Variants in KIRREL3 observed in about 807,000 individuals in gnomAD.
The protein encoded by KIRREL3 is kin of IRRE-like protein 3.
In KIRREL3, 36 loss-of-function variants were observed where a neutral mutation model predicts 89.7. The observed-to-expected ratio is 0.40, with a 90% CI of 0.31 to 0.53. KIRREL3 has a LOEUF of 0.53. Ranked by LOEUF, KIRREL3 falls within the 20% of genes least tolerant of loss-of-function variation. KIRREL3 has a pLI of 0.49. For synonymous variants in KIRREL3, 445 were observed against 441.4 expected (o/e 1.01, Z -0.10); for missense variants, 864 against 1,056.6 (o/e 0.82, Z 2.53).
intron 7 of KIRREL3, among the ~76,000 whole-genome samples, chr11:126,456,057 T>TTTTTTTTTTTTTTTTTTTTTTTTTTC (rs147218473): frequency 2.6e-4 from 29 of 109,796 alleles, no homozygotes; most frequent in Admixed American, 4.3e-4. Context: ...TTTTTTTTTT[T>TTTTTTTTTTTTTTTTTTTTTTTTTTC]CCTGAGCCTT....
intron 1 of KIRREL3, among the ~76,000 whole-genome samples, chr11:126,835,140 T>C (rs1343213767): frequency 6.6e-6 from 1 of 152,242 alleles, no homozygotes; most frequent in Non-Finnish European, 1.5e-5. Flanking sequence ...TATTTAATAA[T>C]GACACCCCAT....
chr11:126,872,744 G>C lies in KIRREL3; in HGVS notation c.55+127711C>G, dbSNP rs1380211176. ...CTTTCCTGCTCTGTGCTGCCAGAAT[G>C]GTGCTGAATATGAATGAGAAAGTAA... On this transcript the variant is annotated intron_variant, in intron 1 of 16. Transcript: ENST00000525144. The surrounding 1 kb of genome is among the most constrained non-coding windows in gnomAD (Gnocchi z 4.2). 6.6e-6 allele frequency among the ~76,000 whole-genome samples: 1 copy of C among 152,192 alleles called. No homozygotes were observed. The highest frequency in any genetic ancestry group is 1.5e-5 in the Non-Finnish European group (1 of 68,036).
At chr11:126,673,508 G>T (rs1266427959) in intron 1 of KIRREL3, among the ~76,000 whole-genome samples, 2 of 152,234 alleles carry the variant, frequency 1.3e-5, no homozygotes, top group Non-Finnish European at 2.9e-5. Context: ...CCAAGGGGAA[G>T]GAGGAAGCTC....
chr11:126,483,691 TCTGCAG>T lies in KIRREL3; in HGVS notation c.434-10231_434-10226del, dbSNP rs565974886. Among the ~76,000 whole-genome samples the T allele has an allele frequency of 6.5e-4, 99 of 152,348 alleles. No individual in the cohort carries two copies. The South Asian group carries it at 0.02, about 31-fold the overall frequency. On this transcript the variant is annotated intron_variant, in intron 4 of 16. Transcript: ENST00000525144. The stretch of plus-strand genomic sequence containing the variant: ...CGGTTCTCTCCAGTGAGGTCTCATC[TCTGCAG>T]CTTTCTCCTGTGTGACCATTAACTC...
chr11:126,966,113 T>C (rs1209326292), intron 1 of KIRREL3, among the ~76,000 whole-genome samples: 2 of 152,168 alleles, frequency 1.3e-5, no homozygotes, highest in Non-Finnish European at 2.9e-5. Context: ...GCTGCTTAGA[T>C]ACCTCATTAT....
chr11:126,473,129 C>T (rs1411598545), intron 5 of KIRREL3, among the ~76,000 whole-genome samples, 180 bp downstream of exon 5: 1 of 36,638 alleles, frequency 2.7e-5, no homozygotes, highest in Non-Finnish European at 5.7e-5. Flanking sequence ...TCTAGCCCCC[C>T]GCCTAACCCC....
rs781157035 is a variant in KIRREL3 at position 126,601,703 on chromosome 11, ATGCATCC to A, written c.56-38798_56-38792del. Among the ~76,000 whole-genome samples the A allele has an allele frequency of 2.6e-5, 4 of 152,044 alleles. No individual in the cohort carries two copies. The highest frequency in any genetic ancestry group is 5.9e-5 in the Non-Finnish European group (4 of 68,000). Reference sequence around the variant, plus strand: ...TTGCCGCCCCTCCTCCATTCTTCTCATGCATCCTGCGGTGCCATTCGCCCACCCCGCC... The same window carrying A: ...TTGCCGCCCCTCCTCCATTCTTCTCATGCGGTGCCATTCGCCCACCCCGCC... On this transcript the variant is annotated intron_variant, in intron 1 of 16. Transcript: ENST00000525144. The surrounding 1 kb of genome is among the most constrained non-coding windows in gnomAD (Gnocchi z 5.8).
rs1305911407 is a variant in KIRREL3 at position 126,989,329 on chromosome 11, G to A, written c.55+11126C>T. On this transcript the variant is annotated intron_variant, in intron 1 of 16. Coordinates refer to ENST00000525144, the MANE Select transcript of KIRREL3 (RefSeq NM_032531.4). The surrounding 1 kb of genome is among the most constrained non-coding windows in gnomAD (Gnocchi z 6.2). Reference sequence around the variant, plus strand: ...TCCACTGCCCAGAAAGGCTGGCACTGTGGGGACGAAGGGGGCAGTGGCAGC... The same window carrying A: ...TCCACTGCCCAGAAAGGCTGGCACTATGGGGACGAAGGGGGCAGTGGCAGC... 7.2e-5 allele frequency among the ~76,000 whole-genome samples: 11 copies of A among 152,338 alleles called. No homozygotes were observed. The highest frequency in any genetic ancestry group is 2.6e-4 in the African/African-American group (11 of 41,580).
chr11:126,572,878 C>A (rs562820742), intron 1 of KIRREL3, among the ~76,000 whole-genome samples: 32 of 152,192 alleles, frequency 2.1e-4, no homozygotes, highest in Non-Finnish European at 4.4e-4. Context: ...CAGGGCCACA[C>A]GCTGACTTTA....
rs1373137326 is a variant in KIRREL3, at chr11:126,917,963, A to T, written c.55+82492T>A. On this transcript the variant is annotated intron_variant, in intron 1 of 16. Coordinates refer to ENST00000525144, the MANE Select transcript of KIRREL3 (RefSeq NM_032531.4). This position sits in a 1 kb window ranked among gnomAD's most constrained non-coding sequence, Gnocchi z 5.0. ...CTTACAGTGATGGAGCAGAATTTAGATGCTGTGACTCATCTCTCCAAGCTG... is the reference window on the plus strand; with the variant it reads ...CTTACAGTGATGGAGCAGAATTTAGTTGCTGTGACTCATCTCTCCAAGCTG... Among the ~76,000 whole-genome samples, 1 of 152,128 alleles carries T rather than the reference A, an allele frequency of 6.6e-6. No homozygotes were observed. The highest frequency in any genetic ancestry group is 1.5e-5 in the Non-Finnish European group (1 of 68,024).
At position 126,699,944 on chromosome 11, in the gene KIRREL3, A is replaced by G. The variant is rs112839794; in HGVS notation, c.56-137032T>C. 1.0e-3 allele frequency among the ~76,000 whole-genome samples: 153 copies of G among 152,306 alleles called. 1 individual carries two copies. Among genetic ancestry groups the G allele is most frequent in the African/African-American group, 3.5e-3 (146 of 41,568 alleles). ...CATGGAGGCTCATGTGTGTAATCCC[A>G]ACACTTTGGGAGGCTGAGGTGGGAG... On this transcript the variant is annotated intron_variant, in intron 1 of 16. Coordinates refer to ENST00000525144, the MANE Select transcript of KIRREL3 (RefSeq NM_032531.4).
At position 126,492,303 on chromosome 11, in the gene KIRREL3, C is replaced by T. The variant is rs926032611; in HGVS notation, c.434-18837G>A. 2.0e-5 allele frequency among the ~76,000 whole-genome samples: 3 copies of T among 152,140 alleles called. No homozygotes were observed. The highest frequency in any genetic ancestry group is 2.0e-4 in the Admixed American group (3 of 15,272). ...GAGGTCAGGCCTCTTTTTCCCAAGCCTGTTCCCCTACCCCCGATGAGGGAT... is the reference window on the plus strand; with the variant it reads ...GAGGTCAGGCCTCTTTTTCCCAAGCTTGTTCCCCTACCCCCGATGAGGGAT... On this transcript the variant is annotated intron_variant, in intron 4 of 16. Transcript: ENST00000525144. This position sits in a 1 kb window ranked among gnomAD's most constrained non-coding sequence, Gnocchi z 4.8.
At chr11:126,893,741 C>T (rs1946022264) in intron 1 of KIRREL3, among the ~76,000 whole-genome samples, 1 of 152,322 alleles carries the variant, frequency 6.6e-6, no homozygotes, top group Admixed American at 6.5e-5. Flanking sequence ...CTCCTTCCTG[C>T]TAAGAAAAAT....
At chr11:126,464,841 T>C (rs1439793207) in intron 5 of KIRREL3, among the ~76,000 whole-genome samples, 2 of 152,204 alleles carry the variant, frequency 1.3e-5, no homozygotes, top group East Asian at 3.8e-4. Context: ...TGTTGTGTCA[T>C]GCACCGAATT....
At chr11:126,745,110 G>A (rs1286301559) in intron 1 of KIRREL3, among the ~76,000 whole-genome samples, 1 of 152,098 alleles carries the variant, frequency 6.6e-6, no homozygotes, top group African/African-American at 2.4e-5. Context: ...TCCTTGAGAG[G>A]ATCTCATGGG....
Position 126,724,577 on chromosome 11 carries a change from C to T in KIRREL3, c.56-161665G>A, listed in dbSNP as rs192828346. On this transcript the variant is annotated intron_variant, in intron 1 of 16. Coordinates refer to ENST00000525144, the MANE Select transcript of KIRREL3 (RefSeq NM_032531.4). This position sits in a 1 kb window ranked among gnomAD's most constrained non-coding sequence, Gnocchi z 4.3. ...AGCTGAAGCAACACGTTTCTGTCCC[C>T]AAGGGATGAAGAAGTTTCTTCAGCT... Among the ~76,000 whole-genome samples the T allele has an allele frequency of 8.3e-4, 127 of 152,288 alleles. No homozygotes were observed. The highest frequency in any genetic ancestry group is 2.6e-3 in the African/African-American group (107 of 41,554).
rs927647777 is a variant in KIRREL3 at position 126,443,943 on chromosome 11, G to A, written c.1252+1036C>T. Among the ~76,000 whole-genome samples the A allele has an allele frequency of 6.6e-6, 1 of 152,178 alleles. No homozygotes were observed. Among genetic ancestry groups the A allele is most frequent in the East Asian group, 1.9e-4 (1 of 5,200 alleles). ...AGGTGAGGGGGGAGCATTCGGAAACGGCAGAGGAATCGAACTGGCAGCTTT... is the reference window on the plus strand; with the variant it reads ...AGGTGAGGGGGGAGCATTCGGAAACAGCAGAGGAATCGAACTGGCAGCTTT... On this transcript the variant is annotated intron_variant, in intron 10 of 16. Coordinates refer to ENST00000525144, the MANE Select transcript of KIRREL3 (RefSeq NM_032531.4). The surrounding 1 kb of genome is among the most constrained non-coding windows in gnomAD (Gnocchi z 7.3).
At chr11:126,957,735 G>A (rs904176796) in intron 1 of KIRREL3, among the ~76,000 whole-genome samples, 1 of 152,200 alleles carries the variant, frequency 6.6e-6, no homozygotes, top group Non-Finnish European at 1.5e-5. Context: ...GAGCTCTAAG[G>A]TCAGGTCACC....
At position 126,555,783 on chromosome 11, in the gene KIRREL3, C is replaced by G. The variant is rs1939664021; in HGVS notation, c.133+7052G>C. Among the ~76,000 whole-genome samples the G allele has an allele frequency of 6.7e-6, 1 of 150,226 alleles. No individual in the cohort carries two copies. Among genetic ancestry groups the G allele is most frequent in the Non-Finnish European group, 1.5e-5 (1 of 67,836 alleles). ...TGAGACGGAGTCTCCCTCTATCACT[C>G]AGGCTGGAGTGCAGTGGCACGATCT... On this transcript the variant is annotated intron_variant, in intron 2 of 16. Coordinates refer to ENST00000525144, the MANE Select transcript of KIRREL3 (RefSeq NM_032531.4). This position sits in a 1 kb window ranked among gnomAD's most constrained non-coding sequence, Gnocchi z 4.2.
Sources: gnomAD v4.1 joint callset for allele counts (sites outside exome capture counted in the v4.1 genomes callset) on GRCh38, gnomAD v4.1.1 for gene constraint, Gnocchi (gnomAD v3.1) non-coding constraint, MANE v1.5 for transcripts, NCBI Gene and HGNC (gene_info 2026-07-23, HGNC 2026-07-21) for gene names.